KIAA1328: variants seen among roughly 807,000 people sequenced by gnomAD.
The protein encoded by KIAA1328 is KIAA1328.
In KIAA1328, 52 loss-of-function variants were observed where a neutral mutation model predicts 68.1. That is an observed-to-expected ratio of 0.76 (90% CI 0.61 to 0.96). The LOEUF is 0.96. Among genes scored for constraint, KIAA1328 ranks in the 40% least tolerant of loss-of-function variants. The pLI is 0.00. For synonymous variants in KIAA1328, 232 were observed against 239.4 expected, an observed-to-expected ratio of 0.97 and a Z score of 0.28; for missense variants, 641 against 677.6, an observed-to-expected ratio of 0.95 and a Z score of 0.60.
At chr18:37,116,781 C>G (rs1485646030) in intron 7 of KIAA1328, among the ~76,000 whole-genome samples, 1 of 152,170 alleles carries the variant, frequency 6.6e-6, no homozygotes, top group Non-Finnish European at 1.5e-5. Context: ...GGCCTAATAT[C>G]TAGAATCTAC....
At chr18:37,075,783 C>A (rs1233344538) in intron 7 of KIAA1328, 1 of 152,212 alleles carries the variant, frequency 6.6e-6, no homozygotes, top group African/African-American at 2.4e-5. Flanking sequence ...GAAGAGCTAA[C>A]TATCCTAAAT....
At chr18:37,145,651 G>A (rs929010112) in intron 7 of KIAA1328, among the ~76,000 whole-genome samples, 1 of 152,050 alleles carries the variant, frequency 6.6e-6, no homozygotes, top group African/African-American at 2.4e-5. Flanking sequence ...ATGCATATGT[G>A]TTTATGATTA....
At position 37,086,310 on chromosome 18, in the gene KIAA1328, CAT is replaced by C. The variant is rs548560660; in HGVS notation, c.1232+18767_1232+18768del. ...TGATTTAATCATTTTGCAATGAATA[CAT>C]ACAGTATATCAAAACATCACTTTGT... On this transcript the variant is annotated intron_variant, in intron 7 of 9. Transcript: ENST00000280020. Among the ~76,000 whole-genome samples, 150 of 152,264 alleles carry C rather than the reference CAT, an allele frequency of 9.9e-4. 1 individual carries two copies. Among genetic ancestry groups the C allele is most frequent in the African/African-American group, 3.5e-3 (146 of 41,536 alleles).
At chr18:37,105,916 CAAAAAAAA>C (rs58940699) in intron 7 of KIAA1328, among the ~76,000 whole-genome samples, 29 of 19,504 alleles carry the variant, frequency 1.5e-3, no homozygotes, top group East Asian at 4.9e-3. Flanking sequence ...GACTCTGTGT[CAAAAAAAA>C]AAAAAAAAAA....
intron 5 of KIAA1328, among the ~76,000 whole-genome samples, chr18:36,934,666 C>G (rs1255840145): frequency 6.6e-6 from 1 of 152,184 alleles, no homozygotes; most frequent in Middle Eastern, 3.2e-3. Context: ...GGCTCTGTCT[C>G]ATTGGCCATC....
intron 7 of KIAA1328, among the ~76,000 whole-genome samples, chr18:37,103,455 G>T (rs538912489): frequency 1.3e-5 from 2 of 152,088 alleles, no homozygotes; most frequent in South Asian, 4.1e-4. Flanking sequence ...ATCCGTATGC[G>T]TATGAATGAA....
chr18:37,095,913 C>T (rs1356655567), intron 7 of KIAA1328, among the ~76,000 whole-genome samples: 1 of 152,058 alleles, frequency 6.6e-6, no homozygotes. Flanking sequence ...CCTGGACATA[C>T]GCAGTGTACC....
At chr18:37,220,560 T>C (rs1378874125) in intron 9 of KIAA1328, among the ~76,000 whole-genome samples, 1 of 152,250 alleles carries the variant, frequency 6.6e-6, no homozygotes, top group African/African-American at 2.4e-5. Context: ...ATCTCTGATA[T>C]GCTTCATTGT....
intron 7 of KIAA1328, among the ~76,000 whole-genome samples, chr18:37,076,551 T>G (rs2056742855): frequency 6.6e-6 from 1 of 151,722 alleles, no homozygotes; most frequent in Admixed American, 6.6e-5. Context: ...AGGAGCTGGT[T>G]TTTTGAAAGG....
chr18:36,910,913 A>G (rs572265462), intron 5 of KIAA1328, among the ~76,000 whole-genome samples: 1 of 152,132 alleles, frequency 6.6e-6, no homozygotes, highest in East Asian at 1.9e-4. Flanking sequence ...ACTCAGGAAA[A>G]GAATGAAGAG....
intron 4 of KIAA1328, among the ~76,000 whole-genome samples, chr18:36,868,033 A>G (rs1233523716): frequency 1.3e-5 from 2 of 152,224 alleles, no homozygotes; most frequent in East Asian, 1.9e-4. Flanking sequence ...TCAGTAATCT[A>G]TGGATGTCTC....
At chr18:37,225,638 A>G (rs1394940783), downstream of KIAA1328, among the ~76,000 whole-genome samples, 3 of 152,176 alleles carry the variant, frequency 2.0e-5, no homozygotes, top group African/African-American at 4.8e-5. Context: ...GCCTACCCCC[A>G]TAGCTGCTCA....
intron 9 of KIAA1328, among the ~76,000 whole-genome samples, chr18:37,184,988 C>T (rs1488307450): frequency 6.6e-6 from 1 of 151,768 alleles, no homozygotes; most frequent in East Asian, 1.9e-4. Context: ...ACGGTGAAAC[C>T]TCATCTCTAC....
intron 4 of KIAA1328, among the ~76,000 whole-genome samples, chr18:36,876,676 T>C (rs935768371): frequency 6.6e-6 from 1 of 152,218 alleles, no homozygotes; most frequent in African/African-American, 2.4e-5. Context: ...TCTTATCTCC[T>C]TCGTTCTGCT....
chr18:37,027,597 GACAAAA>G (rs894690538), intron 6 of KIAA1328, among the ~76,000 whole-genome samples: 2 of 152,148 alleles, frequency 1.3e-5, no homozygotes, highest in African/African-American at 2.4e-5. Context: ...TGACAAACCT[GACAAAA>G]ACAAGAAATG....
At chr18:37,067,626 TCTCAG>T (rs1417741991) in intron 7 of KIAA1328, 81 bp downstream of exon 7, 1 of 1,368,226 alleles carries the variant, frequency 7.3e-7, no homozygotes, top group African/African-American at 1.5e-5. Flanking sequence ...AGTGGCACAA[TCTCAG>T]CTCACTGCAG....
At chr18:37,055,180 G>A (rs2055860201) in intron 6 of KIAA1328, among the ~76,000 whole-genome samples, 1 of 152,076 alleles carries the variant, frequency 6.6e-6, no homozygotes, top group African/African-American at 2.4e-5. Flanking sequence ...AACCTCCTGG[G>A]CCCATTAGAT....
At chr18:36,874,587 T>A (rs886469514) in intron 4 of KIAA1328, among the ~76,000 whole-genome samples, 5 of 152,244 alleles carry the variant, frequency 3.3e-5, no homozygotes, top group African/African-American at 4.8e-5. Context: ...ATTAGCCCTT[T>A]GTCAGATGGA....
chr18:37,157,904 T>C (rs1238405159), intron 7 of KIAA1328, among the ~76,000 whole-genome samples: 1 of 152,114 alleles, frequency 6.6e-6, no homozygotes, highest in Non-Finnish European at 1.5e-5. Context: ...ATTCATTCTC[T>C]TATAGAATGA....
Sources: gnomAD v4.1 joint callset for allele counts (sites outside exome capture counted in the v4.1 genomes callset) on GRCh38, gnomAD v4.1.1 for gene constraint, MANE v1.5 for transcripts, NCBI Gene and HGNC (gene_info 2026-07-23, HGNC 2026-07-21) for gene names.